The following DHODH variants were observed in gnomAD, a reference collection of about 807,000 sequenced individuals.
The protein encoded by DHODH is dihydroorotate dehydrogenase (quinone), also known as dihydroorotate dehydrogenase (quinone), mitochondrial.
A neutral mutation model predicts 39.7 loss-of-function variants in DHODH; 30 were observed. The ratio of observed to expected loss-of-function variants is 0.76; its 90% confidence interval spans 0.57 to 1.02. DHODH has a LOEUF of 1.02. Among genes scored for constraint, DHODH ranks in the 50% least tolerant of loss-of-function variants. The pLI is 0.00. For synonymous variants in DHODH, 222 were observed against 213.8 expected, an observed-to-expected ratio of 1.04 and a Z score of -0.34; for missense variants, 531 against 520.8, an observed-to-expected ratio of 1.02 and a Z score of -0.19.
intron 6 of DHODH, 131 bp from the exon 7 acceptor site, chr16:72,023,034 C>G (rs1439344600): frequency 2.4e-6 from 2 of 833,372 alleles, no homozygotes; most frequent in East Asian, 2.6e-5. Context: ...GTAGTGAGGT[C>G]TGGTGTAGCT....
chr16:72,021,541 C>T (rs887418298), intron 5 of DHODH, among the ~76,000 whole-genome samples: 13 of 152,220 alleles, frequency 8.5e-5, no homozygotes, highest in African/African-American at 2.7e-4. Context: ...ATCACGGGGT[C>T]TGTAAGAGCA....
Position 72,009,014 on chromosome 16 carries a change from T to C in DHODH, c.21+229T>C, listed in dbSNP as rs925043209. On this transcript the variant is annotated intron_variant, in intron 1 of 8. Transcript: ENST00000219240. ...GCCTGCAGGTCTGGGTGGGTGCTGATCTGAGTGTCTGCGCCTGGGCCATGT... is the reference window on the plus strand; with the variant it reads ...GCCTGCAGGTCTGGGTGGGTGCTGACCTGAGTGTCTGCGCCTGGGCCATGT... The C allele has an allele frequency of 9.7e-6, 14 of 1,439,008 alleles. No individual in the cohort carries two copies. The African/African-American group carries it at 2.0e-4, about 21-fold the overall frequency. 89.1% of individuals were successfully genotyped at this position (1,439,008 alleles called of 1,614,324 possible).
At position 72,026,959 on chromosome 16, in the gene DHODH, T is replaced by G. The variant is rs753524727; in HGVS notation, c.*2760T>G. ...GTGCCCACTACCACACCCAGCTAAT[T>G]TGTGTGTGTGTGTGTGTGTGTGTGT... On this transcript the variant is annotated 3_prime_UTR_variant, in exon 9 of 9. Transcript: ENST00000219240. 0.018 allele frequency: 367 copies of G among 20,928 alleles called. 3 individuals carry two copies. The highest frequency in any genetic ancestry group is 0.064 in the African/African-American group (343 of 5,342). The allele number at this position is 20,928 out of a possible 1,614,324, so 1.3% of individuals were successfully genotyped here.
chr16:72,017,770 CT>C (rs71153696), intron 4 of DHODH, among the ~76,000 whole-genome samples: 12,270 of 103,702 alleles, frequency 0.12, 714 homozygotes, highest in South Asian at 0.18. Flanking sequence ...AAACAACATG[CT>C]TTTTTTTTTT....
In DHODH at chr16:72,026,232, G is replaced by C. The variant is rs1390252933; in HGVS notation, c.*2033G>C. 6.6e-6 allele frequency: 1 copy of C among 152,312 alleles called. No homozygotes were observed. Among genetic ancestry groups the C allele is most frequent in the Non-Finnish European group, 1.5e-5 (1 of 68,146 alleles). The allele number at this position is 152,312 out of a possible 1,614,324, so 9.4% of individuals were successfully genotyped here. A position where few individuals can be genotyped will look rare whatever the true frequency, so the allele number is the denominator to read the frequency against. ...CTCTCTGGGCTTTGATGCTCTCTGTGAGTCATCTGCCCTCCCTTTCCCATG... is the reference window on the plus strand; with the variant it reads ...CTCTCTGGGCTTTGATGCTCTCTGTCAGTCATCTGCCCTCCCTTTCCCATG... On this transcript the variant is annotated 3_prime_UTR_variant, in exon 9 of 9. Coordinates refer to ENST00000219240, the MANE Select transcript of DHODH (RefSeq NM_001361.5).
chr16:72,023,808 C>A (rs1391460985), intron 8 of DHODH, among the ~76,000 whole-genome samples, 175 bp downstream of exon 8: 3 of 152,124 alleles, frequency 2.0e-5, no homozygotes, highest in African/African-American at 7.2e-5. Context: ...CAAACAATGC[C>A]AAGGAGAACT....
chr16:72,017,168 C>A, intron 4 of DHODH, 62 bp downstream of exon 4: 1 of 1,507,868 alleles, frequency 6.6e-7, no homozygotes, highest in Non-Finnish European at 9.2e-7. Context: ...GGGAGAAATG[C>A]TGGGAACATT....
chr16:72,020,717 A>G (rs1322493645), intron 4 of DHODH, among the ~76,000 whole-genome samples: 3 of 152,266 alleles, frequency 2.0e-5, no homozygotes, highest in Middle Eastern at 3.4e-3. Flanking sequence ...CATCCAGTCA[A>G]CCGAGCCAAG....
At chr16:72,012,745 C>T (rs963693004) in intron 2 of DHODH, among the ~76,000 whole-genome samples, 1 of 152,180 alleles carries the variant, frequency 6.6e-6, no homozygotes, top group African/African-American at 2.4e-5. Context: ...GCAGGAGCAT[C>T]GTGTCCCAGC....
At chr16:72,013,065 A>C (rs988196425) in intron 2 of DHODH, among the ~76,000 whole-genome samples, 6 of 152,224 alleles carry the variant, frequency 3.9e-5, no homozygotes, top group Admixed American at 6.5e-5. Context: ...GATGAGTGTG[A>C]AAATGCAAAC....
chr16:72,012,234 G>T lies in DHODH; in HGVS notation c.206G>T (p.Arg69Leu). 6.2e-7 allele frequency: 1 copy of T among 1,614,064 alleles called. No individual in the cohort carries two copies. The highest frequency in any genetic ancestry group is 1.1e-5 in the South Asian group (1 of 91,078). The change falls in exon 2 of 9, where the codon CGG becomes CTG. Residue 69 changes from arginine (R) to leucine (L), a missense_variant. By Grantham distance (102) the Arg-to-Leu change is moderately radical. Coordinates refer to ENST00000219240, the MANE Select transcript of DHODH (RefSeq NM_001361.5). ...TTCACCTCCCTGGGGCTCCTTCCACGGGCCAGATTTCAAGACTCTGACATG... is the reference window on the plus strand; with the variant it reads ...TTCACCTCCCTGGGGCTCCTTCCACTGGCCAGATTTCAAGACTCTGACATG... ...VRFTSLGLLP[R>L]ARFQDSDMLE...
chr16:72,017,769 G>GTTTTTTTTTTTTTTTTTTTT (rs1567571747), intron 4 of DHODH, among the ~76,000 whole-genome samples: 1 of 71,940 alleles, frequency 1.4e-5, no homozygotes, highest in African/African-American at 8.7e-5. Flanking sequence ...AAAACAACAT[G>GTTTTTTTTTTTTTTTTTTTT]CTTTTTTTTT....
chr16:72,015,618 G>A (rs931911867), intron 3 of DHODH: 1 of 910,276 alleles, frequency 1.1e-6, no homozygotes, highest in African/African-American at 1.8e-5. Context: ...CTGCTTTCTT[G>A]TGCTTGTTTC....
In DHODH at chr16:72,020,376, T is replaced by A. The variant is rs1265888587; in HGVS notation, c.518-748T>A. On this transcript the variant is annotated intron_variant, in intron 4 of 8. Coordinates refer to ENST00000219240, the MANE Select transcript of DHODH (RefSeq NM_001361.5). Reference sequence around the variant, plus strand: ...ATATGTGTATATATATATATATTTTTTTTTTTTTTCTTTTTTTTGAGACAG... The same window carrying A: ...ATATGTGTATATATATATATATTTTATTTTTTTTTCTTTTTTTTGAGACAG... 1.0e-3 allele frequency: 140 copies of A among 134,824 alleles called. 2 individuals are homozygous for A. Among genetic ancestry groups the A allele is most frequent in the African/African-American group, 3.8e-3 (130 of 34,338 alleles). 8.4% of individuals were successfully genotyped at this position (134,824 alleles called of 1,614,324 possible). A position where few individuals can be genotyped will look rare whatever the true frequency, so the allele number is the denominator to read the frequency against.
In DHODH at chr16:72,008,748, T is replaced by C; in HGVS notation, c.-17T>C. 1.3e-6 allele frequency: 2 copies of C among 1,551,548 alleles called. No homozygotes were observed. The highest frequency in any genetic ancestry group is 1.4e-5 in the African/African-American group (1 of 73,150). ...CAATGGAAGGGAGACAGGGGCGGGC[T>C]TAATGACGGAAGGAGCATGGCGTGG... is the stretch of plus-strand genomic sequence containing the variant. On this transcript the variant is annotated 5_prime_UTR_variant, in exon 1 of 9. Transcript: ENST00000219240.
At position 72,023,021 on chromosome 16, in the gene DHODH, T is replaced by G. The variant is rs2041237979; in HGVS notation, c.820-144T>G. ...ATTCTAAAACTTGTTGAGGAAAAGA[T>G]GAGTAGTGAGGTCTGGTGTAGCTCT... is the stretch of plus-strand genomic sequence containing the variant. On this transcript the variant is annotated intron_variant, in intron 6 of 8. Coordinates refer to ENST00000219240, the MANE Select transcript of DHODH (RefSeq NM_001361.5). The G allele has an allele frequency of 6.5e-6, 5 of 768,814 alleles. No individual in the cohort carries two copies. The East Asian group carries it at 1.1e-4, about 16-fold the overall frequency. The allele number at this position is 768,814 out of a possible 1,614,324, so 47.6% of individuals were successfully genotyped here.
rs1024157428 is a variant in DHODH at position 72,026,307 on chromosome 16, C to T, written c.*2108C>T. On this transcript the variant is annotated 3_prime_UTR_variant, in exon 9 of 9. Coordinates refer to ENST00000219240, the MANE Select transcript of DHODH (RefSeq NM_001361.5). ...CCCACCTAATAGCTTCAGGACTGAA[C>T]AATTCAGGAAAGGGAAGGGAAGGGG... is the stretch of plus-strand genomic sequence containing the variant. The T allele has an allele frequency of 6.6e-6, 1 of 152,198 alleles. No homozygotes were observed. The highest frequency in any genetic ancestry group is 2.4e-5 in the African/African-American group (1 of 41,344). The allele number at this position is 152,198 out of a possible 1,614,324, so 9.4% of individuals were successfully genotyped here.
At chr16:72,009,085 G>A in intron 1 of DHODH, 1 of 1,347,566 alleles carries the variant, frequency 7.4e-7, no homozygotes, top group Non-Finnish European at 9.6e-7. Context: ...TGACCGCCTA[G>A]CGTTGTGTGC....
chr16:72,014,878 T>C (rs2041124475), intron 3 of DHODH, among the ~76,000 whole-genome samples: 1 of 152,140 alleles, frequency 6.6e-6, no homozygotes, highest in South Asian at 2.1e-4. Context: ...CATTTAACAG[T>C]TGGGTAGATG....
Sources: gnomAD v4.1 joint callset for allele counts (sites outside exome capture counted in the v4.1 genomes callset) on GRCh38, gnomAD v4.1.1 for gene constraint, MANE v1.5 for transcripts, NCBI Gene and HGNC (gene_info 2026-07-23, HGNC 2026-07-21) for gene names.